PHF20: variants seen among roughly 807,000 people sequenced by gnomAD.
PHF20 encodes PHD finger protein 20.
Under a neutral mutation model 113.5 loss-of-function variants are expected in PHF20, and 23 were observed. That is an observed-to-expected ratio of 0.20 (90% confidence interval 0.15 to 0.29). The LOEUF is 0.29. PHF20 is among the 10% of genes least tolerant of loss of function. PHF20 has a pLI of 1.00. For missense variants in PHF20, 943 were observed against 1,219.6 expected, an observed-to-expected ratio of 0.77 and a Z score of 3.38; for synonymous variants, 434 against 457.3, an observed-to-expected ratio of 0.95 and a Z score of 0.65.
intron 2 of PHF20, among the ~76,000 whole-genome samples, chr20:35,835,015 G>A (rs1373189912): frequency 6.6e-6 from 1 of 152,148 alleles, no homozygotes. Context: ...GGTGGCTCAT[G>A]CCTGTAATCC....
At chr20:35,831,699 T>C (rs2042360872) in intron 2 of PHF20, among the ~76,000 whole-genome samples, 3 of 152,184 alleles carry the variant, frequency 2.0e-5, no homozygotes, top group African/African-American at 2.4e-5. Flanking sequence ...CCTTGGCCTC[T>C]GAAAGCACTG....
At position 35,920,784 on chromosome 20, in the gene PHF20, T is replaced by C. The variant is rs558137185; in HGVS notation, c.2004+3122T>C. Among the ~76,000 whole-genome samples the C allele has an allele frequency of 2.0e-5, 3 of 152,326 alleles. No homozygotes were observed. The South Asian group carries it at 6.2e-4, about 32-fold the overall frequency. On this transcript the variant is annotated intron_variant, in intron 13 of 17. Transcript: ENST00000374012. ...CACTTTAGGCTGAGGGAGAGTCTTG[T>C]CTTTTTGAATAGCCTTCATAGTAAC... is the stretch of plus-strand genomic sequence containing the variant.
At position 35,779,483 on chromosome 20, in the gene PHF20, A is replaced by G. The variant is rs563241279; in HGVS notation, c.-33+7404A>G. Among the ~76,000 whole-genome samples, 84 of 151,208 alleles carry G rather than the reference A, an allele frequency of 5.6e-4. 1 individual carries two copies. The Middle Eastern group carries it at 0.01, about 18-fold the overall frequency. On this transcript the variant is annotated intron_variant, in intron 1 of 17. Coordinates refer to ENST00000374012, the MANE Select transcript of PHF20 (RefSeq NM_016436.5). ...GATTTTCAAGAGGTCTCTTTCTCATATGGAAAAAGTCCATAGCTGGTGGAT... is the reference window on the plus strand; with the variant it reads ...GATTTTCAAGAGGTCTCTTTCTCATGTGGAAAAAGTCCATAGCTGGTGGAT...
chr20:35,935,222 C>T (rs1290484592), intron 15 of PHF20, among the ~76,000 whole-genome samples: 1 of 152,036 alleles, frequency 6.6e-6, no homozygotes, highest in Non-Finnish European at 1.5e-5. Flanking sequence ...TAATTGTTAT[C>T]CTCCCACCTC....
chr20:35,876,447 T>G (rs1273572638), intron 9 of PHF20, among the ~76,000 whole-genome samples: 1 of 151,444 alleles, frequency 6.6e-6, no homozygotes, highest in Non-Finnish European at 1.5e-5. Flanking sequence ...GGCAGGCGCC[T>G]GTAATCCTAG....
At chr20:35,798,334 G>A (rs763932629) in intron 1 of PHF20, among the ~76,000 whole-genome samples, 1 of 152,160 alleles carries the variant, frequency 6.6e-6, no homozygotes, top group Non-Finnish European at 1.5e-5. Context: ...GATCACATGA[G>A]CCCAGGAAGT....
At chr20:35,840,170 T>C (rs2042515306) in intron 2 of PHF20, among the ~76,000 whole-genome samples, 1 of 152,162 alleles carries the variant, frequency 6.6e-6, no homozygotes, top group Non-Finnish European at 1.5e-5. Flanking sequence ...ACAGATAGAA[T>C]GTAAACTTTT....
At position 35,858,241 on chromosome 20, in the gene PHF20, GAA is replaced by G. The variant is rs938747306; in HGVS notation, c.341-58_341-57del. ...TGGAGATCCCTTGTGTTTATACTTTGAAAAGTTACCACTTTTCATGAAATTGT... is the reference window on the plus strand; with the variant it reads ...TGGAGATCCCTTGTGTTTATACTTTGAAGTTACCACTTTTCATGAAATTGT... On this transcript the variant is annotated intron_variant, in intron 4 of 17. Coordinates refer to ENST00000374012, the MANE Select transcript of PHF20 (RefSeq NM_016436.5). 8.8e-5 allele frequency: 79 copies of G among 893,652 alleles called. No homozygotes were observed. The African/African-American group carries it at 1.2e-3, about 14-fold the overall frequency. The allele number at this position is 893,652 out of a possible 1,614,324, so 55.4% of individuals were successfully genotyped here. A position where few individuals can be genotyped will look rare whatever the true frequency, so the allele number is the denominator to read the frequency against.
In PHF20 at chr20:35,863,106, G is replaced by A. The variant is rs767442172; in HGVS notation, c.514G>A (p.Ala172Thr). ...KREKFKEQRK[A>T]TVNVKKDKED... ...AGAGAAGTTTAAAGAACAGAGAAAAGCAACAGTGAATGTGAAGAAAGACAA... is the reference window on the plus strand; with the variant it reads ...AGAGAAGTTTAAAGAACAGAGAAAAACAACAGTGAATGTGAAGAAAGACAA... Residue 172 changes from alanine (A) to threonine (T), a missense_variant, in exon 6 of 18, where the codon GCA (alanine) becomes ACA (threonine). Ala to Thr is a moderately conservative substitution (Grantham distance 58). This residue lies in a region of PHF20 where 592 missense variants were observed against 787.2 expected (regional missense o/e 0.75). Coordinates refer to ENST00000374012, the MANE Select transcript of PHF20 (RefSeq NM_016436.5). 3 of 1,613,340 alleles carry A rather than the reference G, an allele frequency of 1.9e-6. No homozygotes were observed. Among genetic ancestry groups the A allele is most frequent in the Non-Finnish European group, 2.5e-6 (3 of 1,179,822 alleles).
chr20:35,881,519 C>T (rs1165490617), intron 9 of PHF20, among the ~76,000 whole-genome samples: 4 of 139,818 alleles, frequency 2.9e-5, no homozygotes, highest in African/African-American at 5.4e-5. Context: ...CCAGCCTGGG[C>T]GACAGAGCAA....
intron 2 of PHF20, among the ~76,000 whole-genome samples, chr20:35,810,536 C>T (rs2041958895): frequency 6.6e-6 from 1 of 152,130 alleles, no homozygotes; most frequent in Admixed American, 6.6e-5. Context: ...GGAGAGTACC[C>T]TCATGTGGGT....
At chr20:35,808,585 A>G (rs1311551425) in intron 2 of PHF20, among the ~76,000 whole-genome samples, 2 of 143,584 alleles carry the variant, frequency 1.4e-5, no homozygotes, top group Non-Finnish European at 3.1e-5. Context: ...TTTTATTTTT[A>G]TTTTTTGAGA....
At chr20:35,855,345 C>A in intron 4 of PHF20, 1 of 821,676 alleles carries the variant, frequency 1.2e-6, no homozygotes, top group East Asian at 5.9e-5. Context: ...TGTTTATGCT[C>A]TTATCCTTTT....
chr20:35,906,740 A>C (rs2055207286), intron 10 of PHF20, among the ~76,000 whole-genome samples: 1 of 152,204 alleles, frequency 6.6e-6, no homozygotes, highest in Non-Finnish European at 1.5e-5. Context: ...CGATAGGCAG[A>C]ACATCTGCCA....
At chr20:35,798,779 A>G (rs1037582599) in intron 1 of PHF20, among the ~76,000 whole-genome samples, 89 of 151,638 alleles carry the variant, frequency 5.9e-4, no homozygotes, top group African/African-American at 2.1e-3. Context: ...TGTTTTTTAA[A>G]GAGACAGGTT....
Position 35,939,095 on chromosome 20 carries a change from C to T in PHF20, c.2699C>T (p.Pro900Leu), listed in dbSNP as rs1314489480. 1 of 1,606,322 alleles carries T rather than the reference C, an allele frequency of 6.2e-7. No individual in the cohort carries two copies. Among genetic ancestry groups the T allele is most frequent in the Non-Finnish European group, 8.5e-7 (1 of 1,175,350 alleles). The change falls in exon 16 of 18, where the codon CCC (proline) becomes CTC (leucine). Residue 900 changes from proline to leucine, a missense_variant. Transcript: ENST00000374012. Reference protein sequence around the residue: ...DRSKGDSDPKPGSPKVKEYVS... With the variant: ...DRSKGDSDPKLGSPKVKEYVS... ...AGCAAGGGGGACAGTGACCCCAAAC[C>T]CGGCTCCCCAAAGGTATGTGGCTGC... is the stretch of plus-strand genomic sequence containing the variant.
At chr20:35,891,048 C>G (rs997238200) in intron 9 of PHF20, among the ~76,000 whole-genome samples, 1 of 152,146 alleles carries the variant, frequency 6.6e-6, no homozygotes, top group Admixed American at 6.5e-5. Context: ...TTTGATGTGA[C>G]AGTACACTAA....
chr20:35,857,735 G>T (rs951787161), intron 4 of PHF20, among the ~76,000 whole-genome samples: 1 of 151,786 alleles, frequency 6.6e-6, no homozygotes, highest in Admixed American at 6.6e-5. Context: ...ACAGGTGCCT[G>T]CCACCAAGCG....
intron 2 of PHF20, among the ~76,000 whole-genome samples, chr20:35,813,407 C>T (rs961569625): frequency 6.6e-5 from 10 of 152,182 alleles, no homozygotes; most frequent in Non-Finnish European, 1.5e-4. Context: ...TAAACTAGCT[C>T]CTTTGTTCTT....
Sources: gnomAD v4.1 joint callset for allele counts (sites outside exome capture counted in the v4.1 genomes callset) on GRCh38, gnomAD v4.1.1 for gene constraint, gnomAD v4.1.1 regional missense constraint, MANE v1.5 for transcripts, NCBI Gene and HGNC (gene_info 2026-07-23, HGNC 2026-07-21) for gene names.